The following CLSTN2 variants were observed in gnomAD, a reference collection of about 807,000 sequenced individuals.
The protein encoded by CLSTN2 is calsyntenin-2.
Under a neutral mutation model 101.2 loss-of-function variants are expected in CLSTN2, and 48 were observed. The observed-to-expected ratio is 0.47, with a 90% CI of 0.38 to 0.60. The LOEUF (loss-of-function observed/expected upper bound fraction) is 0.60. Among genes scored for constraint, CLSTN2 ranks in the 20% least tolerant of loss-of-function variants. The pLI, the probability that CLSTN2 is intolerant of heterozygous loss-of-function variation, is 0.00. For missense variants in CLSTN2, 1,160 were observed against 1,238.2 expected, an observed-to-expected ratio of 0.94 and a Z score of 0.95; for synonymous variants, 481 against 463.6, an observed-to-expected ratio of 1.04 and a Z score of -0.48.
At chr3:140,204,843 G>A (rs921477825) in intron 2 of CLSTN2, among the ~76,000 whole-genome samples, 7 of 152,174 alleles carry the variant, frequency 4.6e-5, no homozygotes, top group Non-Finnish European at 7.3e-5. Flanking sequence ...GGTTGTAATT[G>A]TCAGGTCTGT....
chr3:140,242,721 A>G (rs557964407), intron 2 of CLSTN2, among the ~76,000 whole-genome samples: 2 of 152,330 alleles, frequency 1.3e-5, no homozygotes, highest in Admixed American at 1.3e-4. Context: ...CCCATTCCCC[A>G]GGATGCCTGT....
intron 2 of CLSTN2, among the ~76,000 whole-genome samples, chr3:140,372,903 CA>C (rs986273531): frequency 2.0e-5 from 3 of 152,088 alleles, no homozygotes; most frequent in African/African-American, 7.2e-5. Context: ...CCCTTCTCTA[CA>C]AAACATTTTT....
chr3:140,114,768 A>T (rs1017346695), intron 1 of CLSTN2, among the ~76,000 whole-genome samples: 2 of 152,144 alleles, frequency 1.3e-5, no homozygotes, highest in Non-Finnish European at 2.9e-5. Flanking sequence ...TTGTTGGAAG[A>T]GCAAAGATAA....
At chr3:140,371,194 G>A (rs896810554) in intron 2 of CLSTN2, among the ~76,000 whole-genome samples, 1 of 152,158 alleles carries the variant, frequency 6.6e-6, no homozygotes, top group Non-Finnish European at 1.5e-5. Flanking sequence ...AGTCCCAGCA[G>A]GTACCTCTGG....
intron 10 of CLSTN2, among the ~76,000 whole-genome samples, chr3:140,552,572 C>T (rs1276259117): frequency 6.6e-6 from 1 of 152,110 alleles, no homozygotes; most frequent in African/African-American, 2.4e-5. Flanking sequence ...CTCTCCTGGT[C>T]TCTCTACAGG....
intron 1 of CLSTN2, among the ~76,000 whole-genome samples, chr3:140,041,846 C>T (rs1392931210): frequency 6.6e-6 from 1 of 152,112 alleles, no homozygotes; most frequent in Non-Finnish European, 1.5e-5. Context: ...GCAGCCCCTG[C>T]GATAGCTTAT....
At chr3:139,983,821 A>G (rs1264845047) in intron 1 of CLSTN2, among the ~76,000 whole-genome samples, 1 of 152,178 alleles carries the variant, frequency 6.6e-6, no homozygotes, top group African/African-American at 2.4e-5. Flanking sequence ...TGTTAAATGA[A>G]GCTTACCCAA....
intron 1 of CLSTN2, among the ~76,000 whole-genome samples, chr3:140,131,420 A>C (rs2009521896): frequency 6.6e-6 from 1 of 151,992 alleles, no homozygotes; most frequent in Non-Finnish European, 1.5e-5. Context: ...CTGAAATACA[A>C]ATTATGCGTG....
intron 2 of CLSTN2, among the ~76,000 whole-genome samples, chr3:140,181,007 C>T (rs1415711244): frequency 6.6e-6 from 1 of 152,174 alleles, no homozygotes; most frequent in Non-Finnish European, 1.5e-5. Context: ...TTGGGATAGA[C>T]CCTTGGCAAA....
At chr3:140,268,805 G>A (rs62267968) in intron 2 of CLSTN2, among the ~76,000 whole-genome samples, 1 of 152,110 alleles carries the variant, frequency 6.6e-6, no homozygotes, top group Non-Finnish European at 1.5e-5. Context: ...CTTTGATGCT[G>A]TACAACATTA....
chr3:140,017,238 G>A (rs183993946), intron 1 of CLSTN2, among the ~76,000 whole-genome samples: 1 of 152,326 alleles, frequency 6.6e-6, no homozygotes, highest in African/African-American at 2.4e-5. Context: ...TTGAGCCTGG[G>A]CAGGTACTCT....
At chr3:140,332,291 G>A (rs1009601865) in intron 2 of CLSTN2, among the ~76,000 whole-genome samples, 3 of 152,206 alleles carry the variant, frequency 2.0e-5, no homozygotes, top group African/African-American at 7.2e-5. Context: ...GCTGTTTAAT[G>A]TTCTTGCGTT....
intron 14 of CLSTN2, 58 bp downstream of exon 14, chr3:140,563,014 C>A: frequency 6.2e-7 from 1 of 1,611,552 alleles, no homozygotes; most frequent in Non-Finnish European, 8.5e-7. Flanking sequence ...CTCATTCATT[C>A]AGAAATGCTG....
chr3:139,961,512 G>T (rs1490770652), intron 1 of CLSTN2, among the ~76,000 whole-genome samples: 1 of 152,184 alleles, frequency 6.6e-6, no homozygotes, highest in Non-Finnish European at 1.5e-5. Flanking sequence ...AAAGTTAGGT[G>T]AAAATGAGTG....
chr3:140,023,195 C>T (rs1028024479), intron 1 of CLSTN2, among the ~76,000 whole-genome samples: 1 of 152,154 alleles, frequency 6.6e-6, no homozygotes, highest in African/African-American at 2.4e-5. Context: ...GAGAGGTTGT[C>T]TTGCAGGTGG....
At chr3:140,039,313 G>A (rs2107763096) in intron 1 of CLSTN2, among the ~76,000 whole-genome samples, 1 of 151,444 alleles carries the variant, frequency 6.6e-6, no homozygotes, top group East Asian at 1.9e-4. Flanking sequence ...AAGGCTTTTA[G>A]CGTTACTTTT....
intron 2 of CLSTN2, among the ~76,000 whole-genome samples, chr3:140,307,779 CCATT>C (rs1252423157): frequency 2.0e-5 from 3 of 152,168 alleles, no homozygotes; most frequent in African/African-American, 7.2e-5. Context: ...CTTTCTTCCA[CCATT>C]CATGTGAGCA....
intron 2 of CLSTN2, among the ~76,000 whole-genome samples, chr3:140,242,839 C>A: frequency 6.6e-6 from 1 of 152,138 alleles, no homozygotes; most frequent in Middle Eastern, 3.2e-3. Flanking sequence ...AGGAACACTG[C>A]ACCGTTATGG....
In CLSTN2 at chr3:140,036,280, T is replaced by A. The variant is rs76280809; in HGVS notation, c.109+100797T>A. Among the ~76,000 whole-genome samples the A allele has an allele frequency of 3.3e-5, 5 of 152,350 alleles. No homozygotes were observed. In the East Asian group the frequency reaches 9.6e-4, roughly 29 times the overall value. On this transcript the variant is annotated intron_variant, in intron 1 of 16. Coordinates refer to ENST00000458420, the MANE Select transcript of CLSTN2 (RefSeq NM_022131.3). ...TCTACTTACGTTCTGTATCATTTTT[T>A]AGAACTGTTTCCATGTCATTAATTA...
Sources: gnomAD v4.1 joint callset for allele counts (sites outside exome capture counted in the v4.1 genomes callset) on GRCh38, gnomAD v4.1.1 for gene constraint, MANE v1.5 for transcripts, NCBI Gene and HGNC (gene_info 2026-07-23, HGNC 2026-07-21) for gene names.